Variants in GASK1A observed in about 807,000 individuals in gnomAD.
GASK1A encodes golgi associated kinase 1A.
GASK1A carries 40 observed loss-of-function variants against 41.2 expected under a neutral mutation model. The ratio of observed to expected loss-of-function variants is 0.97; its 90% CI spans 0.75 to 1.27. The LOEUF (loss-of-function observed/expected upper bound fraction) is 1.27. Among genes scored for constraint, GASK1A ranks in the 50% most tolerant of loss-of-function variants. The pLI, the probability that GASK1A is intolerant of heterozygous loss-of-function variation, is 0.00. For synonymous variants in GASK1A, 316 were observed against 307.1 expected (o/e 1.03, Z -0.30); for missense variants, 678 against 745.1 (o/e 0.91, Z 1.05).
chr3:42,987,919 A>T lies in GASK1A; in HGVS notation c.3+8274A>T, dbSNP rs570169728. On this transcript the variant is annotated intron_variant, in intron 1 of 4. Transcript: ENST00000430121. ...GAGGCTGAGGCAGGAGAGTCCTTTG[A>T]ATCCAGGAGGCAGAGGCTGCAGTGA... Among the ~76,000 whole-genome samples, 4 of 145,806 alleles carry T rather than the reference A, an allele frequency of 2.7e-5. No homozygotes were observed. In the South Asian group the frequency reaches 9.1e-4, roughly 33 times the overall value.
intron 1 of GASK1A, among the ~76,000 whole-genome samples, chr3:42,981,248 T>C (rs775298861): frequency 3.9e-5 from 6 of 152,180 alleles, no homozygotes; most frequent in Non-Finnish European, 8.8e-5. Context: ...GGTCATCCTC[T>C]GGCAGTGAAA....
At chr3:43,053,330 G>A (rs2089699556) in intron 2 of GASK1A, among the ~76,000 whole-genome samples, 191 bp from the exon 3 acceptor site, 2 of 152,188 alleles carry the variant, frequency 1.3e-5, no homozygotes, top group African/African-American at 4.8e-5. Flanking sequence ...CTCCTGGTGC[G>A]CAGAGTGATC....
intron 2 of GASK1A, among the ~76,000 whole-genome samples, chr3:43,035,664 A>G (rs2089600511): frequency 6.6e-6 from 1 of 152,214 alleles, no homozygotes; most frequent in African/African-American, 2.4e-5. Context: ...TCAGATAATA[A>G]CATTGATCAC....
rs1392654644 is a variant in GASK1A at position 43,057,687 on chromosome 3, T to C, written c.*1301T>C. 2 of 152,180 alleles carry C rather than the reference T, an allele frequency of 1.3e-5. No homozygotes were observed. Among genetic ancestry groups the C allele is most frequent in the Non-Finnish European group, 1.5e-5 (1 of 68,034 alleles). The allele number at this position is 152,180 out of a possible 1,614,324, so 9.4% of individuals were successfully genotyped here. A position where few individuals can be genotyped will look rare whatever the true frequency, so the allele number is the denominator to read the frequency against. ...GTGATCAATCTTTTCTCTGCTGACTTGGTATAAATGTTTTCTTCCAGCCTC... is the reference window on the plus strand; with the variant it reads ...GTGATCAATCTTTTCTCTGCTGACTCGGTATAAATGTTTTCTTCCAGCCTC... On this transcript the variant is annotated 3_prime_UTR_variant, in exon 5 of 5. Transcript: ENST00000430121.
intron 2 of GASK1A, among the ~76,000 whole-genome samples, chr3:43,038,241 ACTT>A (rs2089614718): frequency 6.6e-6 from 1 of 152,114 alleles, no homozygotes. Context: ...CTTGAGCTAA[ACTT>A]CTGCATGGTT....
At chr3:43,041,717 G>A (rs912669385) in intron 2 of GASK1A, among the ~76,000 whole-genome samples, 8 of 152,234 alleles carry the variant, frequency 5.3e-5, no homozygotes, top group African/African-American at 1.7e-4. Context: ...GTAACAAATG[G>A]GGTTCTGTCT....
intron 1 of GASK1A, among the ~76,000 whole-genome samples, chr3:43,005,481 A>G (rs1238055624): frequency 6.6e-6 from 1 of 152,222 alleles, no homozygotes; most frequent in African/African-American, 2.4e-5. Flanking sequence ...GTATATTCAC[A>G]CTGCAGATGC....
At chr3:43,027,042 A>G (rs755727595) in intron 1 of GASK1A, among the ~76,000 whole-genome samples, 3 of 152,244 alleles carry the variant, frequency 2.0e-5, no homozygotes, top group Non-Finnish European at 4.4e-5. Flanking sequence ...GTTCAATCTT[A>G]GATTTCCCTT....
intron 1 of GASK1A, among the ~76,000 whole-genome samples, chr3:42,998,764 C>T (rs1208611892): frequency 6.6e-6 from 1 of 152,174 alleles, no homozygotes; most frequent in African/African-American, 2.4e-5. Context: ...TAGGTGCTAA[C>T]CTGGGGTTTT....
intron 1 of GASK1A, among the ~76,000 whole-genome samples, chr3:42,997,616 A>T (rs2089383704): frequency 6.6e-6 from 1 of 152,156 alleles, no homozygotes. Context: ...ACAGCTGCAC[A>T]ATGGAGGAGT....
At position 42,986,739 on chromosome 3, in the gene GASK1A, ATTGTGT is replaced by A. The variant is rs1018799041; in HGVS notation, c.3+7098_3+7103del. Reference sequence around the variant, plus strand: ...GGGCTTTTGAGCTTGGAGAGATGGGATTGTGTTTGCATTTTAGAGAGCGGTTTTGGA... The same window carrying A: ...GGGCTTTTGAGCTTGGAGAGATGGGATTGCATTTTAGAGAGCGGTTTTGGA... On this transcript the variant is annotated intron_variant, in intron 1 of 4. Transcript: ENST00000430121. Among the ~76,000 whole-genome samples, 8 of 152,060 alleles carry A rather than the reference ATTGTGT, an allele frequency of 5.3e-5. 1 individual carries two copies. The highest frequency in any genetic ancestry group is 1.9e-4 in the African/African-American group (8 of 41,448).
intron 1 of GASK1A, among the ~76,000 whole-genome samples, chr3:43,022,036 G>A (rs1295651843): frequency 1.3e-5 from 2 of 152,188 alleles, no homozygotes; most frequent in Non-Finnish European, 2.9e-5. Context: ...GACAGGGTGT[G>A]TAATTTCGAT....
At position 43,056,524 on chromosome 3, in the gene GASK1A, A is replaced by G; in HGVS notation, c.*138A>G. ...TCACGGGATATTTCACCTGCCTGGG[A>G]TGGTGGAGGTAGTATGGGGTTTTCA... On this transcript the variant is annotated 3_prime_UTR_variant, in exon 5 of 5. Coordinates refer to ENST00000430121, the MANE Select transcript of GASK1A (RefSeq NM_001129908.3). 1 of 735,500 alleles carries G rather than the reference A, an allele frequency of 1.4e-6. No homozygotes were observed. Among genetic ancestry groups the G allele is most frequent in the Non-Finnish European group, 2.2e-6 (1 of 461,396 alleles). 45.6% of individuals were successfully genotyped at this position (735,500 alleles called of 1,614,324 possible). A position where few individuals can be genotyped will look rare whatever the true frequency, so the allele number is the denominator to read the frequency against.
At chr3:43,013,996 A>C (rs114895844) in intron 1 of GASK1A, among the ~76,000 whole-genome samples, 1,610 of 115,440 alleles carry the variant, frequency 0.014, 14 homozygotes, top group Middle Eastern at 0.023. Context: ...GAAGCCACAG[A>C]ATGGGGCTTT....
chr3:43,000,046 C>T (rs1425791963), intron 1 of GASK1A, among the ~76,000 whole-genome samples: 1 of 152,200 alleles, frequency 6.6e-6, no homozygotes, highest in African/African-American at 2.4e-5. Flanking sequence ...CTCTCAAGAA[C>T]CTTAACTTTA....
intron 1 of GASK1A, among the ~76,000 whole-genome samples, chr3:43,031,447 T>C (rs2089575372): frequency 6.6e-6 from 1 of 152,208 alleles, no homozygotes. Context: ...CCTGAGAATT[T>C]GCATTTCTGA....
In GASK1A at chr3:43,053,619, C is replaced by T. The variant is rs1005541067; in HGVS notation, c.1389C>T (p.Ala463=). The T allele has an allele frequency of 1.9e-5, 30 of 1,551,578 alleles. No homozygotes were observed. Among genetic ancestry groups the T allele is most frequent in the Non-Finnish European group, 2.4e-5 (27 of 1,146,988 alleles). Residue 463 remains alanine, a synonymous_variant, in exon 3 of 5, where the codon GCC becomes GCT. Transcript: ENST00000430121. The part of the protein sequence containing the change: ...ERLREKCQNP[A]ELRLVHILVR... Reference sequence around the variant, plus strand: ...TCCGAGAGAAATGCCAGAACCCAGCCGAGCTGCGGCTGGTCCACATCCTGG... The same window carrying T: ...TCCGAGAGAAATGCCAGAACCCAGCTGAGCTGCGGCTGGTCCACATCCTGG...
In GASK1A at chr3:43,053,656, C is replaced by A; in HGVS notation, c.1413+13C>A. 1 of 1,551,672 alleles carries A rather than the reference C, an allele frequency of 6.4e-7. No homozygotes were observed. The highest frequency in any genetic ancestry group is 8.7e-7 in the Non-Finnish European group (1 of 1,146,964). On this transcript the variant is annotated intron_variant, in intron 3 of 4. Transcript: ENST00000430121. ...GGTCCACATCCTGGTACGTCTCCTC[C>A]ACACCATCCCCTTGTCACCCCAGAC...
chr3:43,033,963 A>T (rs2089592915), intron 2 of GASK1A, among the ~76,000 whole-genome samples: 1 of 152,204 alleles, frequency 6.6e-6, no homozygotes, highest in African/African-American at 2.4e-5. Context: ...GTGCCACTGC[A>T]CATCTCTTGA....
Sources: gnomAD v4.1 joint callset for allele counts (sites outside exome capture counted in the v4.1 genomes callset) on GRCh38, gnomAD v4.1.1 for gene constraint, MANE v1.5 for transcripts, NCBI Gene and HGNC (gene_info 2026-07-23, HGNC 2026-07-21) for gene names.